The following ZNF609 variants were observed in gnomAD, a reference collection of about 807,000 sequenced individuals.
ZNF609 encodes zinc finger protein 609.
A neutral mutation model predicts 109.5 loss-of-function variants in ZNF609; 11 were observed. The ratio of observed to expected loss-of-function variants is 0.10; its 90% CI spans 0.06 to 0.17. The LOEUF (loss-of-function observed/expected upper bound fraction) is 0.17, where lower values mean the gene tolerates loss of function less well. Among genes scored for constraint, ZNF609 ranks in the 10% least tolerant of loss-of-function variants. ZNF609 has a pLI of 1.00. For synonymous variants in ZNF609, 646 were observed against 662.0 expected (o/e 0.98, Z 0.37); for missense variants, 1,559 against 1,772.4 (o/e 0.88, Z 2.16).
At chr15:64,640,030 T>C (rs1226711099) in intron 3 of ZNF609, among the ~76,000 whole-genome samples, 1 of 151,994 alleles carries the variant, frequency 6.6e-6, no homozygotes, top group East Asian at 1.9e-4. Flanking sequence ...AGCGATTCTC[T>C]TGTCTCAGCC....
chr15:64,499,766 C>G lies in ZNF609; in HGVS notation c.347C>G (p.Ala116Gly), dbSNP rs1007481769. The G allele has an allele frequency of 1.2e-6, 2 of 1,613,968 alleles. No homozygotes were observed. The highest frequency in any genetic ancestry group is 2.7e-5 in the African/African-American group (2 of 74,932). Residue 116 changes from alanine (A) to glycine (G), a missense_variant, in exon 2 of 10, where the codon GCT (alanine) becomes GGT (glycine). Ala to Gly is a moderately conservative substitution (Grantham distance 60). Around this residue, in one of 4 missense-constraint regions of ZNF609, gnomAD observed 291 missense variants for 317.8 expected, o/e 0.92. Transcript: ENST00000326648. ...CTGTTCACTCCAAGTGAGGGGGCAG[C>G]TAGCAAGAAAGAGGTGCAGGGGCGC... ...TSLFTPSEGA[A>G]SKKEVQGRSG... is the part of the protein sequence containing the mutation.
intron 1 of ZNF609, among the ~76,000 whole-genome samples, chr15:64,476,822 A>G (rs916054351): frequency 9.9e-5 from 15 of 152,106 alleles, no homozygotes; most frequent in Non-Finnish European, 4.4e-5. Context: ...TAGGCCTCTG[A>G]CTTTTTTCCT....
At chr15:64,489,864 A>G (rs1243365498) in intron 1 of ZNF609, among the ~76,000 whole-genome samples, 1 of 152,066 alleles carries the variant, frequency 6.6e-6, no homozygotes, top group Non-Finnish European at 1.5e-5. Flanking sequence ...CCACCTCCTT[A>G]GCACAAAAAG....
rs36226491 is a variant in ZNF609 at position 64,625,936 on chromosome 15, T to TAGAG, written c.973+2915_973+2918dup. 3.5e-3 allele frequency among the ~76,000 whole-genome samples: 275 copies of TAGAG among 79,558 alleles called. 2 individuals carry two copies. The highest frequency in any genetic ancestry group is 0.013 in the African/African-American group (199 of 15,278). 52.2% of individuals were successfully genotyped at this position (79,558 alleles called of 152,430 possible). On this transcript the variant is annotated intron_variant, in intron 3 of 9. Coordinates refer to ENST00000326648, the MANE Select transcript of ZNF609 (RefSeq NM_015042.2). ...AAAAATATATATATATATATATATATAGAGAGAGAGAGAGAGAGAGAGAGA... is the reference window on the plus strand; with the variant it reads ...AAAAATATATATATATATATATATATAGAGAGAGAGAGAGAGAGAGAGAGAGAGA...
chr15:64,651,273 T>C (rs1489998207), intron 3 of ZNF609, among the ~76,000 whole-genome samples: 1 of 152,188 alleles, frequency 6.6e-6, no homozygotes, highest in Non-Finnish European at 1.5e-5. Flanking sequence ...TTTCTTCATA[T>C]TTGCTTTGTA....
intron 2 of ZNF609, among the ~76,000 whole-genome samples, chr15:64,615,701 G>A (rs964468132): frequency 8.5e-5 from 13 of 152,130 alleles, no homozygotes; most frequent in African/African-American, 2.7e-4. Flanking sequence ...TGGTCAGGCT[G>A]GTCTTGAACT....
intron 2 of ZNF609, among the ~76,000 whole-genome samples, chr15:64,532,655 G>A (rs911682974): frequency 4.6e-5 from 7 of 152,196 alleles, no homozygotes; most frequent in Non-Finnish European, 8.8e-5. Context: ...TATATTTGAA[G>A]CTGTGAGTGC....
chr15:64,605,976 C>T (rs904352544), intron 2 of ZNF609, among the ~76,000 whole-genome samples: 4 of 131,624 alleles, frequency 3.0e-5, no homozygotes, highest in Non-Finnish European at 4.6e-5. Context: ...AGGATGGTCT[C>T]GATCTCCTGA....
At chr15:64,528,762 C>A (rs1894009398) in intron 2 of ZNF609, 1 of 905,626 alleles carries the variant, frequency 1.1e-6, no homozygotes. Context: ...ACAGAGTGGT[C>A]CTTGAGGACA....
At chr15:64,550,449 T>A (rs1234255517) in intron 2 of ZNF609, among the ~76,000 whole-genome samples, 1 of 151,970 alleles carries the variant, frequency 6.6e-6, no homozygotes, top group Non-Finnish European at 1.5e-5. Flanking sequence ...ATCCCAGCAC[T>A]CTGGGAAGCC....
At position 64,674,059 on chromosome 15, in the gene ZNF609, G is replaced by A. The variant is rs763401518; in HGVS notation, c.1205G>A (p.Arg402Gln). The change falls in exon 5 of 10, where the codon CGG (arginine) becomes CAG (glutamine). Residue 402 changes from arginine (R) to glutamine (Q), a missense_variant. By Grantham distance (43) the Arg-to-Gln change is conservative. This residue lies in a region of ZNF609 where 1,204 missense variants were observed against 1,314.1 expected (regional missense o/e 0.92). Coordinates refer to ENST00000326648, the MANE Select transcript of ZNF609 (RefSeq NM_015042.2). Reference sequence around the variant, plus strand: ...GGGACCAGTAACAGCAGCAAAACCCGGGCAGGAGCCAATAGCAAAGGCCGT... The same window carrying A: ...GGGACCAGTAACAGCAGCAAAACCCAGGCAGGAGCCAATAGCAAAGGCCGT... Reference protein sequence around the residue: ...SKGTSNSSKTRAGANSKGRRG... With the variant: ...SKGTSNSSKTQAGANSKGRRG... 6.2e-6 allele frequency: 10 copies of A among 1,614,026 alleles called. No individual in the cohort carries two copies. The highest frequency in any genetic ancestry group is 5.3e-5 in the African/African-American group (4 of 74,886).
intron 1 of ZNF609, among the ~76,000 whole-genome samples, chr15:64,478,979 A>G (rs1002502010): frequency 2.6e-4 from 39 of 152,150 alleles, no homozygotes; most frequent in African/African-American, 9.4e-4. Context: ...TATTGCTTTT[A>G]TTAGTAAGAG....
In ZNF609 at chr15:64,564,913, T is replaced by C. The variant is rs760998180; in HGVS notation, c.748-57914T>C. On this transcript the variant is annotated intron_variant, in intron 2 of 9. Coordinates refer to ENST00000326648, the MANE Select transcript of ZNF609 (RefSeq NM_015042.2). ...CCCAGGCTGGAGTGCAGTGGTGCGA[T>C]CTCCGCTCACTGCAAGCTCCACCTC... 4.6e-5 allele frequency among the ~76,000 whole-genome samples: 7 copies of C among 151,814 alleles called. No individual in the cohort carries two copies. The South Asian group carries it at 6.2e-4, about 14-fold the overall frequency.
At chr15:64,625,823 G>A (rs1264621355) in intron 3 of ZNF609, among the ~76,000 whole-genome samples, 2 of 146,112 alleles carry the variant, frequency 1.4e-5, no homozygotes, top group Non-Finnish European at 3.0e-5. Flanking sequence ...CAGGAGGCGG[G>A]CCTTGAAGTG....
At chr15:64,646,237 T>G (rs1280488434) in intron 3 of ZNF609, among the ~76,000 whole-genome samples, 1 of 152,154 alleles carries the variant, frequency 6.6e-6, no homozygotes, top group East Asian at 1.9e-4. Context: ...CTCATGCCTC[T>G]AATCCCAGCA....
intron 2 of ZNF609, among the ~76,000 whole-genome samples, chr15:64,528,153 A>G (rs958635411): frequency 2.0e-5 from 3 of 151,174 alleles, no homozygotes; most frequent in African/African-American, 4.9e-5. Context: ...GCTGGAGTGC[A>G]GTGACGCGAT....
At chr15:64,543,041 A>G (rs1336796886) in intron 2 of ZNF609, among the ~76,000 whole-genome samples, 2 of 152,306 alleles carry the variant, frequency 1.3e-5, no homozygotes, top group East Asian at 3.9e-4. Context: ...TACCTAATCC[A>G]TCTGAGGCTT....
In ZNF609 at chr15:64,607,857, TTC is replaced by T. The variant is rs1895634172; in HGVS notation, c.748-14968_748-14967del. Among the ~76,000 whole-genome samples, 5 of 41,498 alleles carry T rather than the reference TTC, an allele frequency of 1.2e-4. 2 individuals are homozygous for T. Among genetic ancestry groups the T allele is most frequent in the Non-Finnish European group, 6.8e-5 (1 of 14,790 alleles). The allele number at this position is 41,498 out of a possible 152,430, so 27.2% of individuals were successfully genotyped here. On this transcript the variant is annotated intron_variant, in intron 2 of 9. Coordinates refer to ENST00000326648, the MANE Select transcript of ZNF609 (RefSeq NM_015042.2). ...TTTCTTTCTTTCTTTCTTTCTTTCT[TTC>T]TTTCTTTCTTTCTTTCTTTCTTCTT... is the stretch of plus-strand genomic sequence containing the variant.
intron 1 of ZNF609, among the ~76,000 whole-genome samples, chr15:64,486,564 T>C (rs1358148068): frequency 1.3e-5 from 2 of 151,098 alleles, no homozygotes; most frequent in African/African-American, 4.9e-5. Flanking sequence ...ATCCAAATAA[T>C]AGATAAATTA....
Sources: gnomAD v4.1 joint callset for allele counts (sites outside exome capture counted in the v4.1 genomes callset) on GRCh38, gnomAD v4.1.1 for gene constraint, gnomAD v4.1.1 regional missense constraint, MANE v1.5 for transcripts, NCBI Gene and HGNC (gene_info 2026-07-23, HGNC 2026-07-21) for gene names.